FKBP15: variants seen among roughly 807,000 people sequenced by gnomAD.
The protein encoded by FKBP15 is FK506-binding protein 15.
FKBP15 carries 106 observed loss-of-function variants against 158.1 expected under a neutral mutation model. The observed-to-expected ratio is 0.67, with a 90% CI of 0.57 to 0.79. The LOEUF is 0.79. Among genes scored for constraint, FKBP15 ranks in the 30% least tolerant of loss-of-function variants. The pLI is 0.00. For missense variants in FKBP15, 1,287 were observed against 1,479.1 expected (o/e 0.87, Z 2.13); for synonymous variants, 547 against 548.6 (o/e 1.00, Z 0.04).
At chr9:113,172,854 T>C (rs769595955) in intron 23 of FKBP15, among the ~76,000 whole-genome samples, 6 of 152,194 alleles carry the variant, frequency 3.9e-5, no homozygotes, top group Non-Finnish European at 8.8e-5. Context: ...ATATGGACTT[T>C]CACACCATGA....
In FKBP15 at chr9:113,221,183, T is replaced by C. The variant is rs542806734; in HGVS notation, c.53+8A>G. 1.9e-6 allele frequency: 3 copies of C among 1,604,142 alleles called. No individual in the cohort carries two copies. The highest frequency in any genetic ancestry group is 3.4e-5 in the Admixed American group (2 of 59,066). On this transcript the variant is annotated splice_region_variant and intron_variant, in intron 1 of 27. Transcript: ENST00000238256. The stretch of plus-strand genomic sequence containing the variant: ...ACGCCCTCCAGCGCATACTTCTCAG[T>C]CACTCACCCGCCGCTCGGCGAGAGG...
rs751564794 is a variant in FKBP15 at position 113,162,846 on chromosome 9, A to C, written c.*3232T>G. The C allele has an allele frequency of 1.3e-5, 21 of 1,613,410 alleles. No homozygotes were observed. In the East Asian group the frequency reaches 4.7e-4, roughly 36 times the overall value. On this transcript the variant is annotated 3_prime_UTR_variant, in exon 28 of 28. Coordinates refer to ENST00000238256, the MANE Select transcript of FKBP15 (RefSeq NM_015258.2). ...GGCCGTAATGTCCTACAACACCTGG[A>C]TTTTCCTTGGTGTGGTCTTGGGCTC...
In FKBP15 at chr9:113,169,948, CA is replaced by C; in HGVS notation, c.2767-7del. 1 of 1,532,714 alleles carries C rather than the reference CA, an allele frequency of 6.5e-7. No homozygotes were observed. The highest frequency in any genetic ancestry group is 8.8e-7 in the Non-Finnish European group (1 of 1,141,996). The allele number at this position is 1,532,714 out of a possible 1,614,324, so 94.9% of individuals were successfully genotyped here. A position where few individuals can be genotyped will look rare whatever the true frequency, so the allele number is the denominator to read the frequency against. ...AACAGCTGAAGAGTCACCATCTATTCAAAAGCCAAGGAAGAGATGGTCACTG... is the reference window on the plus strand; with the variant it reads ...AACAGCTGAAGAGTCACCATCTATTCAAAGCCAAGGAAGAGATGGTCACTG... On this transcript the variant is annotated splice_polypyrimidine_tract_variant and splice_region_variant and intron_variant, in intron 25 of 27. Transcript: ENST00000238256.
Position 113,169,199 on chromosome 9 carries a change from T to C in FKBP15, c.3485+25A>G, listed in dbSNP as rs781029646. ...TCACCACAGATAACTACCCTGTCCC[T>C]GAAGCAGTGCTCAGAGGAACATACC... is the stretch of plus-strand genomic sequence containing the variant. On this transcript the variant is annotated intron_variant, in intron 26 of 27. Transcript: ENST00000238256. 5.0e-6 allele frequency: 8 copies of C among 1,595,712 alleles called. No homozygotes were observed. The South Asian group carries it at 9.1e-5, about 18-fold the overall frequency.
chr9:113,162,089 G>A lies in FKBP15; in HGVS notation c.*3989C>T, dbSNP rs1012927874. On this transcript the variant is annotated 3_prime_UTR_variant, in exon 28 of 28. Coordinates refer to ENST00000238256, the MANE Select transcript of FKBP15 (RefSeq NM_015258.2). Reference sequence around the variant, plus strand: ...AGCAATGTATCCCACTTGGTGGGAGGAGGATGACAAGCTCTCCTCTCCTCC... The same window carrying A: ...AGCAATGTATCCCACTTGGTGGGAGAAGGATGACAAGCTCTCCTCTCCTCC... 7.9e-5 allele frequency: 27 copies of A among 343,052 alleles called. No homozygotes were observed. The highest frequency in any genetic ancestry group is 6.1e-4 in the South Asian group (25 of 40,652). 21.3% of individuals were successfully genotyped at this position (343,052 alleles called of 1,614,324 possible).
intron 1 of FKBP15, among the ~76,000 whole-genome samples, chr9:113,217,098 T>C (rs2118965116): frequency 6.6e-6 from 1 of 151,926 alleles, no homozygotes; most frequent in South Asian, 2.1e-4. Flanking sequence ...GAGATGGGGT[T>C]TCACCACATT....
intron 1 of FKBP15, 146 bp downstream of exon 1, chr9:113,221,045 G>C: frequency 2.3e-6 from 2 of 858,628 alleles, no homozygotes; most frequent in Non-Finnish European, 3.5e-6. Flanking sequence ...GTTCTGCCCA[G>C]ATTCTGAGAG....
intron 22 of FKBP15, 124 bp downstream of exon 22, chr9:113,174,304 T>C: frequency 9.8e-7 from 1 of 1,020,950 alleles, no homozygotes; most frequent in Non-Finnish European, 1.4e-6. Context: ...TCTACCTTTC[T>C]CCAAAGTGAG....
chr9:113,217,058 C>A (rs1001949456), intron 1 of FKBP15, among the ~76,000 whole-genome samples: 1 of 151,830 alleles, frequency 6.6e-6, no homozygotes, highest in Non-Finnish European at 1.5e-5. Flanking sequence ...TGCCCGCCAC[C>A]AGGCCTGGCT....
At position 113,176,078 on chromosome 9, in the gene FKBP15, C is replaced by T. The variant is rs563807891; in HGVS notation, c.2223+459G>A. On this transcript the variant is annotated intron_variant, in intron 21 of 27. Transcript: ENST00000238256. ...TATAATATGAGAATGTCCATAGAAG[C>T]AGTGCTTAAAATAATGAAAAAATAA... is the stretch of plus-strand genomic sequence containing the variant. Among the ~76,000 whole-genome samples the T allele has an allele frequency of 2.0e-5, 3 of 152,286 alleles. No individual in the cohort carries two copies. The East Asian group carries it at 5.8e-4, about 29-fold the overall frequency.
Position 113,163,184 on chromosome 9 carries a change from G to C in FKBP15, c.*2894C>G, listed in dbSNP as rs1413366303. ...ACCAAAGGGAGAATGGAGATAACAG[G>C]GGTGGCAGGGTTACTGAGCCCATGA... On this transcript the variant is annotated 3_prime_UTR_variant, in exon 28 of 28. Transcript: ENST00000238256. The C allele has an allele frequency of 3.5e-6, 1 of 285,836 alleles. No homozygotes were observed. 17.7% of individuals were successfully genotyped at this position (285,836 alleles called of 1,614,324 possible).
At chr9:113,188,678 A>C (rs1313387148) in intron 12 of FKBP15, 187 bp from the exon 13 acceptor site, 1 of 556,958 alleles carries the variant, frequency 1.8e-6, no homozygotes, top group African/African-American at 1.9e-5. Flanking sequence ...TATGCAATAA[A>C]GTAAGAGTCC....
At chr9:113,193,976 G>T in intron 10 of FKBP15, 51 bp downstream of exon 10, 4 of 1,522,914 alleles carry the variant, frequency 2.6e-6, no homozygotes, top group South Asian at 2.6e-5. Flanking sequence ...ACCCCTCTAA[G>T]AATCATTTTT....
At position 113,190,377 on chromosome 9, in the gene FKBP15, T is replaced by C. The variant is rs903015313; in HGVS notation, c.1173+94A>G. 9.0e-6 allele frequency: 9 copies of C among 999,942 alleles called. No homozygotes were observed. The African/African-American group carries it at 1.5e-4, about 16-fold the overall frequency. 61.9% of individuals were successfully genotyped at this position (999,942 alleles called of 1,614,324 possible). On this transcript the variant is annotated intron_variant, in intron 12 of 27. Transcript: ENST00000238256. Reference sequence around the variant, plus strand: ...ATATTAGCTCTCTAAATAATGATTCTGCCTTAGAGAAAAAACAATCACTCC... The same window carrying C: ...ATATTAGCTCTCTAAATAATGATTCCGCCTTAGAGAAAAAACAATCACTCC...
intron 4 of FKBP15, among the ~76,000 whole-genome samples, chr9:113,204,153 C>G (rs1452134140): frequency 1.3e-5 from 2 of 152,274 alleles, no homozygotes; most frequent in Admixed American, 6.5e-5. Flanking sequence ...TCTCAGCTTA[C>G]CGCAACCTCC....
At chr9:113,217,460 T>C (rs939227318) in intron 1 of FKBP15, among the ~76,000 whole-genome samples, 1 of 152,164 alleles carries the variant, frequency 6.6e-6, no homozygotes, top group African/African-American at 2.4e-5. Context: ...TCCACCTGCG[T>C]TGGCCTCCCA....
At chr9:113,189,650 T>C (rs1830541932) in intron 12 of FKBP15, among the ~76,000 whole-genome samples, 2 of 152,070 alleles carry the variant, frequency 1.3e-5, no homozygotes, top group African/African-American at 4.8e-5. Flanking sequence ...ATGTAAAATA[T>C]AAAGTATATT....
At position 113,166,106 on chromosome 9, in the gene FKBP15, T is replaced by C; in HGVS notation, c.3632A>G (p.Asp1211Gly). The change falls in exon 28 of 28, where the codon GAT becomes GGT. Residue 1211 changes from aspartate (D) to glycine (G), a missense_variant. Physicochemically the swap from Asp to Gly is moderately conservative, Grantham distance 94. Coordinates refer to ENST00000238256, the MANE Select transcript of FKBP15 (RefSeq NM_015258.2). ...PPTPLFGDDD[D>G]DDDIDWLG Reference sequence around the variant, plus strand: ...TCCCAGCCAGTCAATGTCATCGTCATCATCATCATCTCCAAAAAGGGGCGT... The same window carrying C: ...TCCCAGCCAGTCAATGTCATCGTCACCATCATCATCTCCAAAAAGGGGCGT... 1 of 1,613,742 alleles carries C rather than the reference T, an allele frequency of 6.2e-7. No individual in the cohort carries two copies. The highest frequency in any genetic ancestry group is 2.2e-5 in the East Asian group (1 of 44,874).
At chr9:113,182,016 A>G (rs1830407014) in intron 19 of FKBP15, among the ~76,000 whole-genome samples, 1 of 152,230 alleles carries the variant, frequency 6.6e-6, no homozygotes, top group South Asian at 2.1e-4. Context: ...CTAAGAGAAG[A>G]CAAAGATTAG....
Sources: allele counts gnomAD v4.1 joint callset (sites outside exome capture counted in the v4.1 genomes callset), GRCh38; gene constraint gnomAD v4.1.1; transcripts MANE v1.5; gene names NCBI Gene and HGNC (gene_info 2026-07-23, HGNC 2026-07-21).